The following CGAS variants were observed in gnomAD, a reference collection of about 807,000 sequenced individuals.
CGAS encodes the protein cyclic GMP-AMP synthase, also known as 2'3'-cGAMP synthase.
Under a neutral mutation model 34.0 loss-of-function variants are expected in CGAS, and 31 were observed. The observed-to-expected ratio is 0.91, with a 90% CI of 0.69 to 1.23. CGAS has a LOEUF of 1.23. Ranked by LOEUF, CGAS falls within the 50% of genes most tolerant of loss-of-function variation. CGAS has a pLI of 0.00. For missense variants in CGAS, 597 were observed against 657.6 expected, an observed-to-expected ratio of 0.91 and a Z score of 1.01; for synonymous variants, 266 against 260.0, an observed-to-expected ratio of 1.02 and a Z score of -0.22.
intron 3 of CGAS, among the ~76,000 whole-genome samples, chr6:73,438,770 G>A (rs1770324726): frequency 1.3e-5 from 2 of 151,918 alleles, no homozygotes; most frequent in Non-Finnish European, 2.9e-5. Context: ...CATCTCTAAG[G>A]TGATTTACCT....
intron 3 of CGAS, among the ~76,000 whole-genome samples, chr6:73,431,169 T>A (rs1377899606): frequency 6.6e-6 from 1 of 150,484 alleles, no homozygotes; most frequent in Non-Finnish European, 1.5e-5. Flanking sequence ...TAGATCTAAC[T>A]GCTAATGAAA....
At chr6:73,432,464 G>A (rs149336028) in intron 3 of CGAS, among the ~76,000 whole-genome samples, 49 of 150,550 alleles carry the variant, frequency 3.3e-4, no homozygotes, top group Middle Eastern at 3.4e-3. Context: ...CCCAGTCATT[G>A]ATTATTTTTT....
At chr6:73,433,689 A>C (rs1770232203) in intron 3 of CGAS, among the ~76,000 whole-genome samples, 1 of 151,738 alleles carries the variant, frequency 6.6e-6, no homozygotes, top group African/African-American at 2.4e-5. Flanking sequence ...GGGTCTTACC[A>C]TGTTGGCCAG....
At chr6:73,429,621 T>G (rs1432160501) in intron 3 of CGAS, among the ~76,000 whole-genome samples, 1 of 151,544 alleles carries the variant, frequency 6.6e-6, no homozygotes. Flanking sequence ...GGTCGGGAGA[T>G]CAAGACCATC....
In CGAS at chr6:73,445,740, G is replaced by T; in HGVS notation, c.665C>A (p.Ala222Glu). ...AAACATGACATCAAATTCATTAGGT[G>T]CAGAAATCTAAGAAACAGTAAAAAT... ...GSYYEHVKIS[A>E]PNEFDVMFKL... Residue 222 changes from alanine (A) to glutamate (E), a missense_variant, in exon 2 of 5, where the codon GCA becomes GAA. Transcript: ENST00000370315. 1 of 1,596,716 alleles carries T rather than the reference G, an allele frequency of 6.3e-7. No individual in the cohort carries two copies. Among genetic ancestry groups the T allele is most frequent in the Non-Finnish European group, 8.5e-7 (1 of 1,173,184 alleles).
Position 73,429,370 on chromosome 6 carries a change from C to T in CGAS, c.1115-559G>A, listed in dbSNP as rs1273360035. ...TAGTTAGCAATAGTAAGATGTATTACCTTTTATATATTGCTAAATTCCCTT... is the reference window on the plus strand; with the variant it reads ...TAGTTAGCAATAGTAAGATGTATTATCTTTTATATATTGCTAAATTCCCTT... On this transcript the variant is annotated intron_variant, in intron 3 of 4. Coordinates refer to ENST00000370315, the MANE Select transcript of CGAS (RefSeq NM_138441.3). 2.6e-5 allele frequency among the ~76,000 whole-genome samples: 4 copies of T among 151,894 alleles called. No homozygotes were observed. In the East Asian group the frequency reaches 7.7e-4, roughly 29 times the overall value.
At chr6:73,449,500 C>CACACACACAT (rs1417041938) in intron 1 of CGAS, among the ~76,000 whole-genome samples, 2 of 151,566 alleles carry the variant, frequency 1.3e-5, no homozygotes, top group Admixed American at 6.6e-5. Flanking sequence ...CACACACACA[C>CACACACACAT]ACACACACAA....
At chr6:73,434,918 G>A (rs1467890990) in intron 3 of CGAS, among the ~76,000 whole-genome samples, 2 of 152,062 alleles carry the variant, frequency 1.3e-5, no homozygotes, top group African/African-American at 4.8e-5. Flanking sequence ...AAAGTGCTGG[G>A]ATTACAGGCA....
At chr6:73,442,938 C>T (rs1459820311) in intron 2 of CGAS, among the ~76,000 whole-genome samples, 1 of 151,940 alleles carries the variant, frequency 6.6e-6, no homozygotes, top group Non-Finnish European at 1.5e-5. Context: ...CTTTGTTGCC[C>T]AGGCTGGTCT....
intron 2 of CGAS, among the ~76,000 whole-genome samples, chr6:73,443,166 C>G (rs1770412001): frequency 6.6e-6 from 1 of 151,936 alleles, no homozygotes; most frequent in Non-Finnish European, 1.5e-5. Context: ...CAGTAGCATT[C>G]CAAACACTGA....
intron 3 of CGAS, among the ~76,000 whole-genome samples, chr6:73,437,009 G>A (rs1363300602): frequency 6.6e-6 from 1 of 152,028 alleles, no homozygotes; most frequent in Non-Finnish European, 1.5e-5. Flanking sequence ...AAATTAGCCA[G>A]GCGTGGTGGC....
At chr6:73,448,098 C>T (rs1770497963) in intron 1 of CGAS, among the ~76,000 whole-genome samples, 1 of 152,026 alleles carries the variant, frequency 6.6e-6, no homozygotes, top group South Asian at 2.1e-4. Context: ...TATACCATTA[C>T]TTAAAACCAC....
Position 73,452,191 on chromosome 6 carries a change from T to A in CGAS, c.-10A>T, listed in dbSNP as rs1469461728. 6.3e-6 allele frequency: 10 copies of A among 1,588,096 alleles called. No individual in the cohort carries two copies. The highest frequency in any genetic ancestry group is 8.5e-6 in the Non-Finnish European group (10 of 1,170,228). On this transcript the variant is annotated 5_prime_UTR_variant, in exon 1 of 5. The change creates a new upstream start codon in the 5' untranslated region. Coordinates refer to ENST00000370315, the MANE Select transcript of CGAS (RefSeq NM_138441.3). ...CGTGCCAAGGCTGCATGGCTGGCGC[T>A]TTCTGTTCCCCGAAAGAAGAATCCG...
chr6:73,434,483 T>G (rs1016337095), intron 3 of CGAS, among the ~76,000 whole-genome samples: 2 of 152,150 alleles, frequency 1.3e-5, no homozygotes, highest in East Asian at 3.9e-4. Context: ...GTAAAGGACA[T>G]TCTACAAAAT....
intron 3 of CGAS, among the ~76,000 whole-genome samples, chr6:73,429,911 C>T (rs1224009485): frequency 6.6e-6 from 1 of 151,932 alleles, no homozygotes; most frequent in African/African-American, 2.4e-5. Flanking sequence ...TTTATACTAG[C>T]AAAGTATAAG....
chr6:73,445,867 A>G, intron 1 of CGAS, 120 bp from the exon 2 acceptor site: 1 of 687,788 alleles, frequency 1.5e-6, no homozygotes, highest in Non-Finnish European at 2.4e-6. Flanking sequence ...CATAATGTCT[A>G]TATATACCCT....
Position 73,424,561 on chromosome 6 carries a change from C to CATTT in CGAS, c.*662_*665dup, listed in dbSNP as rs142007156. 11 of 151,574 alleles carry CATTT rather than the reference C, an allele frequency of 7.3e-5. No homozygotes were observed. The highest frequency in any genetic ancestry group is 1.2e-4 in the Non-Finnish European group (8 of 67,920). 9.4% of individuals were successfully genotyped at this position (151,574 alleles called of 1,614,324 possible). A position where few individuals can be genotyped will look rare whatever the true frequency, so the allele number is the denominator to read the frequency against. ...TTTTTTTATTCCAACCTAAAAATGTCATTTATTTATTTATTTGCCTGCATG... is the reference window on the plus strand; with the variant it reads ...TTTTTTTATTCCAACCTAAAAATGTCATTTATTTATTTATTTATTTGCCTGCATG... On this transcript the variant is annotated 3_prime_UTR_variant, in exon 5 of 5. Transcript: ENST00000370315.
chr6:73,429,758 G>T (rs1770159578), intron 3 of CGAS, among the ~76,000 whole-genome samples: 1 of 151,946 alleles, frequency 6.6e-6, no homozygotes, highest in South Asian at 2.1e-4. Flanking sequence ...CCCGGGAGGT[G>T]GAGCTTGCAG....
rs763640060 is a variant in CGAS at position 73,428,760 on chromosome 6, T to C, written c.1166A>G (p.Asn389Ser). The change falls in exon 4 of 5, where the codon AAT becomes AGT. Residue 389 changes from asparagine to serine, a missense_variant. Asn to Ser is a conservative substitution (Grantham distance 46, BLOSUM62 1). Coordinates refer to ENST00000370315, the MANE Select transcript of CGAS (RefSeq NM_138441.3). ...FSHIEKEILN[N>S]HGKSKTCCEN... The stretch of plus-strand genomic sequence containing the variant: ...ACAGCACGTTTTAGATTTTCCATGA[T>C]TGTTCAAAATTTCCTTTTCGATGTG... 1.2e-6 allele frequency: 2 copies of C among 1,613,832 alleles called. No individual in the cohort carries two copies. Among genetic ancestry groups the C allele is most frequent in the African/African-American group, 2.7e-5 (2 of 74,920 alleles).
Sources: allele counts gnomAD v4.1 joint callset (sites outside exome capture counted in the v4.1 genomes callset), GRCh38; gene constraint gnomAD v4.1.1; transcripts MANE v1.5; gene names NCBI Gene and HGNC (gene_info 2026-07-23, HGNC 2026-07-21).